TEX264: variants seen among roughly 807,000 people sequenced by gnomAD.
The protein encoded by TEX264 is testis-expressed protein 264.
In TEX264, 13 loss-of-function variants were observed where a neutral mutation model predicts 23.4. The observed-to-expected ratio is 0.56, with a 90% CI of 0.36 to 0.88. The LOEUF (loss-of-function observed/expected upper bound fraction) is 0.88, where lower values mean the gene tolerates loss of function less well. TEX264 is among the 40% of genes least tolerant of loss of function. The pLI is 0.01. For missense variants in TEX264, 340 were observed against 406.8 expected (o/e 0.84, Z 1.41); for synonymous variants, 159 against 170.0 (o/e 0.94, Z 0.50).
chr3:51,684,611 C>A lies in TEX264; in HGVS notation c.457C>A (p.Pro153Thr), dbSNP rs1162784919. 1.2e-6 allele frequency: 2 copies of A among 1,614,112 alleles called. No homozygotes were observed. The highest frequency in any genetic ancestry group is 2.7e-5 in the African/African-American group (2 of 74,932). ...CTGGCTGGCTACCCGCCGTGTCCAT[C>A]CTGCCTTGGACACCTACATCAAGGT... ...SIWLATRRVH[P>T]ALDTYIKERK... The change falls in exon 3 of 5, where the codon CCT becomes ACT. Residue 153 changes from proline to threonine, a missense_variant. Coordinates refer to ENST00000341333, the MANE Select transcript of TEX264 (RefSeq NM_015926.6).
chr3:51,693,484 T>G (rs1224648818), intron 3 of TEX264, among the ~76,000 whole-genome samples: 1 of 149,148 alleles, frequency 6.7e-6, no homozygotes, highest in Non-Finnish European at 1.5e-5. Context: ...ATGTTTTTTT[T>G]TTTTTTTTTT....
At chr3:51,684,150 C>G (rs1398604172) in intron 2 of TEX264, 5 of 505,178 alleles carry the variant, frequency 9.9e-6, no homozygotes, top group Non-Finnish European at 1.8e-5. Flanking sequence ...AAGTCTAACC[C>G]CTCACTATGA....
At chr3:51,693,667 A>G (rs541932796) in intron 3 of TEX264, among the ~76,000 whole-genome samples, 21 of 151,760 alleles carry the variant, frequency 1.4e-4, no homozygotes, top group African/African-American at 1.9e-4. Context: ...TTTAGTAGAG[A>G]TGGGGTTTCA....
intron 3 of TEX264, among the ~76,000 whole-genome samples, chr3:51,690,257 TGTG>T (rs1168187918): frequency 1.3e-5 from 2 of 152,162 alleles, no homozygotes; most frequent in African/African-American, 4.8e-5. Context: ...GGACGCCACG[TGTG>T]GTGGCTCACG....
At chr3:51,694,586 TTATTTCA>T (rs2107004591) in intron 3 of TEX264, 1 of 152,400 alleles carries the variant, frequency 6.6e-6, no homozygotes, top group African/African-American at 2.4e-5. Flanking sequence ...TGTAGACCCT[TTATTTCA>T]TACTTGGGCA....
chr3:51,695,602 G>A (rs1448920807), intron 3 of TEX264, among the ~76,000 whole-genome samples: 1 of 152,222 alleles, frequency 6.6e-6, no homozygotes, highest in South Asian at 2.1e-4. Context: ...TGTGGGTCCC[G>A]TGGGGGAAAG....
intron 4 of TEX264, 119 bp downstream of exon 4, chr3:51,699,693 C>T (rs1487298561): frequency 1.6e-6 from 2 of 1,231,890 alleles, no homozygotes; most frequent in African/African-American, 1.5e-5. Context: ...TCAGGCTATG[C>T]TTGGCAGAGG....
rs1319380120 is a variant in TEX264, at chr3:51,700,015, G to A, written c.649+441G>A. Among the ~76,000 whole-genome samples, 3 of 152,078 alleles carry A rather than the reference G, an allele frequency of 2.0e-5. No individual in the cohort carries two copies. In the East Asian group the frequency reaches 5.8e-4, roughly 29 times the overall value. The stretch of plus-strand genomic sequence containing the variant: ...AGTGTTCTCTTGTCCCTCAGTACGG[G>A]CCCCACCCAGAGCCAGCTGCTTTCT... On this transcript the variant is annotated intron_variant, in intron 4 of 4. Coordinates refer to ENST00000341333, the MANE Select transcript of TEX264 (RefSeq NM_015926.6).
intron 3 of TEX264, among the ~76,000 whole-genome samples, chr3:51,685,835 G>C (rs1346465464): frequency 6.6e-6 from 1 of 152,212 alleles, no homozygotes; most frequent in South Asian, 2.1e-4. Context: ...CAGGCCCAGC[G>C]GCTATAGAGC....
chr3:51,697,199 C>A (rs1247137570), intron 3 of TEX264, among the ~76,000 whole-genome samples: 3 of 152,238 alleles, frequency 2.0e-5, no homozygotes, highest in African/African-American at 7.2e-5. Context: ...CGCAGAACAG[C>A]CGCAGAGCTG....
At chr3:51,673,763 T>C (rs1303559328) in intron 1 of TEX264, among the ~76,000 whole-genome samples, 1 of 152,154 alleles carries the variant, frequency 6.6e-6, no homozygotes, top group Non-Finnish European at 1.5e-5. Context: ...TTGTTCCTTA[T>C]GGTTTCCCTG....
chr3:51,674,676 C>T, intron 2 of TEX264, 114 bp downstream of exon 2: 2 of 1,251,034 alleles, frequency 1.6e-6, no homozygotes, highest in South Asian at 1.4e-5. Context: ...CAAGCTGGCC[C>T]TGCAGACCCC....
intron 1 of TEX264, chr3:51,671,527 G>T (rs1035647714): frequency 6.5e-6 from 1 of 154,796 alleles, no homozygotes; most frequent in Admixed American, 6.5e-5. Flanking sequence ...CCGGTGCAGG[G>T]CATGCCCCGG....
intron 3 of TEX264, among the ~76,000 whole-genome samples, chr3:51,690,089 A>G (rs1173250748): frequency 3.3e-5 from 5 of 152,132 alleles, no homozygotes; most frequent in African/African-American, 1.2e-4. Context: ...GCCTGGCCAC[A>G]GCCTGTGTTC....
rs992637177 is a variant in TEX264 at position 51,704,188 on chromosome 3, C to T, written c.*172C>T. On this transcript the variant is annotated 3_prime_UTR_variant, in exon 5 of 5. Coordinates refer to ENST00000341333, the MANE Select transcript of TEX264 (RefSeq NM_015926.6). ...CTTCTCCTCACTGCCCTTTAGGCTC[C>T]CAGGGCCAGAGGAGCCAGGGACTAT... The T allele has an allele frequency of 3.7e-6, 2 of 541,922 alleles. No individual in the cohort carries two copies. Among genetic ancestry groups the T allele is most frequent in the Non-Finnish European group, 5.6e-6 (2 of 354,300 alleles). The allele number at this position is 541,922 out of a possible 1,614,324, so 33.6% of individuals were successfully genotyped here. A position where few individuals can be genotyped will look rare whatever the true frequency, so the allele number is the denominator to read the frequency against.
intron 3 of TEX264, among the ~76,000 whole-genome samples, chr3:51,695,028 T>C (rs1375617231): frequency 6.6e-6 from 1 of 152,202 alleles, no homozygotes; most frequent in Non-Finnish European, 1.5e-5. Context: ...GCCTCCAGGG[T>C]TTGAGTCCCC....
intron 3 of TEX264, among the ~76,000 whole-genome samples, chr3:51,689,513 C>T (rs1454358717): frequency 6.6e-6 from 1 of 151,734 alleles, no homozygotes; most frequent in Non-Finnish European, 1.5e-5. Flanking sequence ...GGACCCCAGA[C>T]CATAGTTCTC....
intron 3 of TEX264, among the ~76,000 whole-genome samples, chr3:51,684,973 C>T (rs1389543578): frequency 6.6e-6 from 1 of 152,264 alleles, no homozygotes; most frequent in East Asian, 1.9e-4. Context: ...ACTTTATTCT[C>T]ATCCTGCTGG....
intron 2 of TEX264, among the ~76,000 whole-genome samples, chr3:51,678,489 G>T (rs1437143772): frequency 6.6e-6 from 1 of 152,202 alleles, no homozygotes; most frequent in Non-Finnish European, 1.5e-5. Context: ...GGGCAAGATG[G>T]GTGTGGCAGC....
Sources: allele counts gnomAD v4.1 joint callset (sites outside exome capture counted in the v4.1 genomes callset), GRCh38; gene constraint gnomAD v4.1.1; transcripts MANE v1.5; gene names NCBI Gene and HGNC (gene_info 2026-07-23, HGNC 2026-07-21).